Variants in KCNK2 observed in about 807,000 individuals in gnomAD.
KCNK2 encodes the protein potassium channel subfamily K member 2.
In KCNK2, 21 loss-of-function variants were observed where a neutral mutation model predicts 40.5. That is an observed-to-expected ratio of 0.52 (90% CI 0.37 to 0.75). The LOEUF is 0.75. KCNK2 is among the 30% of genes least tolerant of loss of function. The probability of loss-of-function intolerance (pLI) is 0.00; values close to 1 mark genes in which losing one functional copy is unlikely to be tolerated. For synonymous variants in KCNK2, 191 were observed against 202.2 expected, an observed-to-expected ratio of 0.94 and a Z score of 0.47; for missense variants, 399 against 531.6, an observed-to-expected ratio of 0.75 and a Z score of 2.45.
chr1:215,096,983 A>G, intron 2 of KCNK2, among the ~76,000 whole-genome samples: 1 of 151,832 alleles, frequency 6.6e-6, no homozygotes. Context: ...GGATCCTTAG[A>G]GATAGAAAAC....
intron 1 of KCNK2, among the ~76,000 whole-genome samples, chr1:215,048,643 A>T (rs551658052): frequency 3.3e-4 from 51 of 152,324 alleles, no homozygotes; most frequent in Middle Eastern, 3.4e-3. Flanking sequence ...TTTTTCCCCA[A>T]TAATATCCAG....
rs1423865480 is a variant in KCNK2 at position 215,182,728 on chromosome 1, G to A, written c.823+10545G>A. Among the ~76,000 whole-genome samples, 7 of 152,222 alleles carry A rather than the reference G, an allele frequency of 4.6e-5. No homozygotes were observed. The East Asian group carries it at 1.4e-3, about 29-fold the overall frequency. Reference sequence around the variant, plus strand: ...TGGCCCACGACTAAAATCCTGTGCGGGCACACTACTGGGTCACCACATAAT... The same window carrying A: ...TGGCCCACGACTAAAATCCTGTGCGAGCACACTACTGGGTCACCACATAAT... On this transcript the variant is annotated intron_variant, in intron 5 of 6. Transcript: ENST00000444842.
intron 1 of KCNK2, among the ~76,000 whole-genome samples, chr1:215,029,353 C>G (rs1379225420): frequency 1.3e-5 from 2 of 149,816 alleles, no homozygotes; most frequent in Non-Finnish European, 3.0e-5. Flanking sequence ...TTCGAGAAGT[C>G]ATATACTTGG....
intron 6 of KCNK2, among the ~76,000 whole-genome samples, chr1:215,209,496 T>A (rs1003755133): frequency 4.1e-4 from 1 of 2,420 alleles, no homozygotes; most frequent in African/African-American, 1.3e-3. Context: ...TACATATATA[T>A]AATATATAAT....
At position 215,215,147 on chromosome 1, in the gene KCNK2, TC is replaced by T. The variant is rs1281971154; in HGVS notation, c.964-19680del. Among the ~76,000 whole-genome samples the T allele has an allele frequency of 3.9e-5, 6 of 152,050 alleles. No homozygotes were observed. The East Asian group carries it at 7.7e-4, about 20-fold the overall frequency. ...AGACAAAGGCAAAAAAGAAGTTTCT[TC>T]TCACTAAGCATTGATTTAATAAGAG... On this transcript the variant is annotated intron_variant, in intron 6 of 6. Transcript: ENST00000444842.
At chr1:215,046,285 T>C (rs1289370657) in intron 1 of KCNK2, among the ~76,000 whole-genome samples, 1 of 152,082 alleles carries the variant, frequency 6.6e-6, no homozygotes, top group East Asian at 1.9e-4. Flanking sequence ...AGGTATATAT[T>C]TGGGAAAAAA....
chr1:215,173,814 GTTGT>G (rs1486627835), intron 5 of KCNK2, among the ~76,000 whole-genome samples: 3 of 152,120 alleles, frequency 2.0e-5, no homozygotes, highest in Admixed American at 6.6e-5. Context: ...TGTTGATGGG[GTTGT>G]TTGTTTTTCT....
At chr1:215,076,730 G>A (rs184673301) in intron 1 of KCNK2, among the ~76,000 whole-genome samples, 1 of 152,222 alleles carries the variant, frequency 6.6e-6, no homozygotes, top group African/African-American at 2.4e-5. Flanking sequence ...CGAGGGGAGG[G>A]GTGAAACACA....
rs59432481 is a variant in KCNK2 at position 215,044,826 on chromosome 1, T to TGCGCGC, written c.34+38874_34+38879dup. Among the ~76,000 whole-genome samples, 762 of 140,654 alleles carry TGCGCGC rather than the reference T, an allele frequency of 5.4e-3. 7 individuals carry two copies. The highest frequency in any genetic ancestry group is 0.022 in the East Asian group (105 of 4,756). 92.3% of individuals were successfully genotyped at this position (140,654 alleles called of 152,430 possible). A position where few individuals can be genotyped will look rare whatever the true frequency, so the allele number is the denominator to read the frequency against. On this transcript the variant is annotated intron_variant, in intron 1 of 6. Coordinates refer to the KCNK2 transcript ENST00000391895. ...GTGTGTGTGTGTGTGTGTGTGTGTG[T>TGCGCGC]GCGCGCGCACACGTGTGTTGATGAC...
chr1:215,096,931 A>G (rs1328083712), intron 2 of KCNK2, among the ~76,000 whole-genome samples: 1 of 151,880 alleles, frequency 6.6e-6, no homozygotes, highest in Non-Finnish European at 1.5e-5. Context: ...AAAGTTCTTC[A>G]ACAATAGTGC....
chr1:215,183,498 C>T (rs1664309702), intron 5 of KCNK2, among the ~76,000 whole-genome samples: 1 of 152,044 alleles, frequency 6.6e-6, no homozygotes, highest in African/African-American at 2.4e-5. Context: ...TTTCAACTGC[C>T]ATTTGCTTTA....
intron 2 of KCNK2, among the ~76,000 whole-genome samples, chr1:215,117,521 T>G (rs565607293): frequency 1.3e-5 from 2 of 152,280 alleles, no homozygotes; most frequent in African/African-American, 4.8e-5. Context: ...TGCAGTGAAA[T>G]TTAGTATGTT....
intron 5 of KCNK2, among the ~76,000 whole-genome samples, chr1:215,178,157 C>G (rs923973303): frequency 6.6e-6 from 1 of 151,874 alleles, no homozygotes; most frequent in African/African-American, 2.4e-5. Flanking sequence ...TAATTTGGCT[C>G]TGATATTGAA....
At chr1:215,098,253 G>T (rs1660066401) in intron 2 of KCNK2, among the ~76,000 whole-genome samples, 1 of 151,726 alleles carries the variant, frequency 6.6e-6, no homozygotes, top group Non-Finnish European at 1.5e-5. Context: ...GTGGCTTTTT[G>T]TTTTTTCTCT....
chr1:215,230,124 C>T (rs1338835970), intron 6 of KCNK2, among the ~76,000 whole-genome samples: 2 of 142,148 alleles, frequency 1.4e-5, no homozygotes, highest in Admixed American at 1.4e-4. Flanking sequence ...CACACACACA[C>T]ACACACGGTC....
At chr1:215,052,334 C>T (rs1658020675) in intron 1 of KCNK2, among the ~76,000 whole-genome samples, 1 of 152,062 alleles carries the variant, frequency 6.6e-6, no homozygotes, top group Admixed American at 6.5e-5. Context: ...TTAAAAATAT[C>T]ACACTGCCTA....
intron 6 of KCNK2, among the ~76,000 whole-genome samples, chr1:215,233,451 T>TACACACACAC (rs35194601): frequency 0.058 from 8,580 of 149,064 alleles, 764 homozygotes; most frequent in African/African-American, 0.2. Flanking sequence ...TGTTTTTGAG[T>TACACACACAC]ACACACACAC....
chr1:215,204,112 T>C (rs1665207140), intron 6 of KCNK2, among the ~76,000 whole-genome samples: 1 of 141,748 alleles, frequency 7.1e-6, no homozygotes, highest in Non-Finnish European at 1.5e-5. Context: ...CACATGCTCA[T>C]TTTTTTTTTT....
At position 215,056,615 on chromosome 1, in the gene KCNK2, CT is replaced by C. The variant is rs34925678; in HGVS notation, c.35-29733del. ...AGATTTGTAAAGGATTGTGTCCACT[CT>C]TTTTTTTTTTTTTTTTTTTGGTAGT... On this transcript the variant is annotated intron_variant, in intron 1 of 6. Coordinates refer to the KCNK2 transcript ENST00000391895. 4.5e-3 allele frequency among the ~76,000 whole-genome samples: 464 copies of C among 103,960 alleles called. 2 individuals are homozygous for C. Among genetic ancestry groups the C allele is most frequent in the African/African-American group, 0.016 (431 of 26,126 alleles). The allele number at this position is 103,960 out of a possible 152,430, so 68.2% of individuals were successfully genotyped here. A position where few individuals can be genotyped will look rare whatever the true frequency, so the allele number is the denominator to read the frequency against.
Sources: allele counts gnomAD v4.1 joint callset (sites outside exome capture counted in the v4.1 genomes callset), GRCh38; gene constraint gnomAD v4.1.1; transcripts MANE v1.5; gene names NCBI Gene and HGNC (gene_info 2026-07-23, HGNC 2026-07-21).